The following GAREM1 variants were observed in gnomAD, a reference collection of about 807,000 sequenced individuals.
GAREM1 encodes the protein GRB2-associated and regulator of MAPK protein 1.
Under a neutral mutation model 71.3 loss-of-function variants are expected in GAREM1, and 26 were observed. That is an observed-to-expected ratio of 0.36 (90% confidence interval 0.27 to 0.51). The LOEUF (loss-of-function observed/expected upper bound fraction) is 0.51. GAREM1 is among the 20% of genes least tolerant of loss of function. The pLI is 0.95. For missense variants in GAREM1, 1,026 were observed against 1,103.1 expected (o/e 0.93, Z 0.99); for synonymous variants, 440 against 433.2 (o/e 1.02, Z -0.20).
At chr18:32,422,517 A>C (rs1388709326) in intron 1 of GAREM1, among the ~76,000 whole-genome samples, 1 of 152,194 alleles carries the variant, frequency 6.6e-6, no homozygotes, top group Non-Finnish European at 1.5e-5. Flanking sequence ...ATGATGCTCA[A>C]TGTATGTTTC....
intron 2 of GAREM1, among the ~76,000 whole-genome samples, chr18:32,321,527 C>G (rs901696013): frequency 7.2e-5 from 11 of 152,178 alleles, no homozygotes; most frequent in African/African-American, 2.7e-4. Flanking sequence ...AGGATCTCTC[C>G]TAAATTCCAC....
intron 1 of GAREM1, among the ~76,000 whole-genome samples, chr18:32,460,897 G>C (rs936713087): frequency 7.9e-5 from 12 of 152,086 alleles, no homozygotes; most frequent in African/African-American, 2.9e-4. Flanking sequence ...ATATGTAAAG[G>C]AGACATCTTA....
intron 2 of GAREM1, among the ~76,000 whole-genome samples, chr18:32,338,776 T>C (rs1435592542): frequency 6.6e-6 from 1 of 152,222 alleles, no homozygotes; most frequent in Admixed American, 6.5e-5. Context: ...GTGTGATGGT[T>C]AATGTTGTGT....
intron 2 of GAREM1, among the ~76,000 whole-genome samples, chr18:32,318,595 T>A (rs1029022202): frequency 6.6e-6 from 1 of 152,202 alleles, no homozygotes; most frequent in African/African-American, 2.4e-5. Flanking sequence ...TTAGGGTTAG[T>A]GCCACCGATG....
chr18:32,455,269 T>C (rs1262100502), intron 1 of GAREM1, among the ~76,000 whole-genome samples: 2 of 152,096 alleles, frequency 1.3e-5, no homozygotes, highest in South Asian at 2.1e-4. Flanking sequence ...GAATCAGGAA[T>C]ATAAGTCCAT....
At chr18:32,322,774 C>G (rs2047442165) in intron 2 of GAREM1, among the ~76,000 whole-genome samples, 1 of 152,204 alleles carries the variant, frequency 6.6e-6, no homozygotes, top group South Asian at 2.1e-4. Context: ...TCCTTGACAA[C>G]TTCAGCTCAA....
At chr18:32,400,075 G>A (rs2048297810) in intron 1 of GAREM1, among the ~76,000 whole-genome samples, 1 of 152,188 alleles carries the variant, frequency 6.6e-6, no homozygotes. Flanking sequence ...AATGGGGAAA[G>A]GATTCCCTAT....
chr18:32,450,454 G>T (rs61311884), intron 1 of GAREM1, among the ~76,000 whole-genome samples: 21,045 of 152,058 alleles, frequency 0.14, 1,785 homozygotes, highest in East Asian at 0.39. Flanking sequence ...GTTGCAACAT[G>T]TGTAACCACA....
In GAREM1 at chr18:32,287,649, C is replaced by A; in HGVS notation, c.948G>T (p.Glu316Asp). The change falls in exon 4 of 6, where the codon GAG becomes GAT. Residue 316 changes from glutamate to aspartate, a missense_variant. Physicochemically the swap from Glu to Asp is conservative, Grantham distance 45. Coordinates refer to ENST00000269209, the MANE Select transcript of GAREM1 (RefSeq NM_001242409.2). This position sits in a 1 kb window ranked among gnomAD's most constrained non-coding sequence, Gnocchi z 5.9. ...GATGGACCAGGGTTTCGGGCCAGCT[C>A]TCTCCCTTCACCAGGTGTTCTGGGA... ...FSLPEHLVKG[E>D]SWPETLVHHW... 6.2e-7 allele frequency: 1 copy of A among 1,614,190 alleles called. No homozygotes were observed. The highest frequency in any genetic ancestry group is 1.3e-5 in the African/African-American group (1 of 75,040).
Position 32,470,066 on chromosome 18 carries a change from C to CTT in GAREM1, c.121+240_121+241dup, listed in dbSNP as rs34206528. Among the ~76,000 whole-genome samples, 1 of 151,526 alleles carries CTT rather than the reference C, an allele frequency of 6.6e-6. No homozygotes were observed. The highest frequency in any genetic ancestry group is 1.5e-5 in the Non-Finnish European group (1 of 67,788). On this transcript the variant is annotated intron_variant, in intron 1 of 5. Coordinates refer to ENST00000269209, the MANE Select transcript of GAREM1 (RefSeq NM_001242409.2). The surrounding 1 kb of genome is among the most constrained non-coding windows in gnomAD (Gnocchi z 4.4). ...ATCTGCAGAGGTCTCCCTATGTTGA[C>CTT]TTTTTTTTTAGGGCGTCCTTTTTAA...
At chr18:32,446,643 G>C (rs1036856661) in intron 1 of GAREM1, among the ~76,000 whole-genome samples, 7 of 152,118 alleles carry the variant, frequency 4.6e-5, no homozygotes, top group Non-Finnish European at 1.5e-5. Context: ...AACTTCCAAA[G>C]CAAACAAAAA....
intron 1 of GAREM1, among the ~76,000 whole-genome samples, chr18:32,420,671 G>A (rs2048511222): frequency 6.6e-6 from 1 of 151,480 alleles, no homozygotes; most frequent in African/African-American, 2.4e-5. Flanking sequence ...AATGTTTTAG[G>A]AGGCCAAGGC....
At chr18:32,395,360 ACT>A (rs1159074055) in intron 1 of GAREM1, among the ~76,000 whole-genome samples, 28 of 152,372 alleles carry the variant, frequency 1.8e-4, no homozygotes, top group African/African-American at 6.5e-4. Context: ...GCCCTAGGGC[ACT>A]TACTATTCAA....
At chr18:32,457,001 T>C (rs1365160828) in intron 1 of GAREM1, among the ~76,000 whole-genome samples, 4 of 151,964 alleles carry the variant, frequency 2.6e-5, no homozygotes, top group South Asian at 2.1e-4. Flanking sequence ...GTAATAGCGA[T>C]GTAGGATTCT....
At chr18:32,448,465 T>C (rs184842818) in intron 1 of GAREM1, among the ~76,000 whole-genome samples, 24 of 152,302 alleles carry the variant, frequency 1.6e-4, no homozygotes, top group Admixed American at 6.5e-4. Flanking sequence ...TTAATTTCCA[T>C]AGCACTTGCT....
intron 1 of GAREM1, among the ~76,000 whole-genome samples, chr18:32,463,804 C>T (rs112630871): frequency 2.6e-5 from 4 of 151,564 alleles, no homozygotes; most frequent in Admixed American, 1.3e-4. Flanking sequence ...CTCCTGACCT[C>T]GTGATCCGCC....
chr18:32,468,756 C>T (rs1266357538), intron 1 of GAREM1, among the ~76,000 whole-genome samples: 1 of 152,126 alleles, frequency 6.6e-6, no homozygotes, highest in African/African-American at 2.4e-5. Context: ...GCCTAGCTAG[C>T]AAATGTGGCA....
intron 1 of GAREM1, among the ~76,000 whole-genome samples, chr18:32,426,220 G>A (rs1381172490): frequency 1.3e-5 from 2 of 151,772 alleles, no homozygotes; most frequent in Non-Finnish European, 2.9e-5. Flanking sequence ...GGGTTTCACC[G>A]TGTTAGCCCA....
Position 32,393,183 on chromosome 18 carries a change from T to C in GAREM1, c.122-148A>G. 50 of 596,052 alleles carry C rather than the reference T, an allele frequency of 8.4e-5. No homozygotes were observed. The African/African-American group carries it at 8.5e-4, about 10-fold the overall frequency. The allele number at this position is 596,052 out of a possible 1,614,324, so 36.9% of individuals were successfully genotyped here. The stretch of plus-strand genomic sequence containing the variant: ...AGATAAAGTTTACCTCTGAATTGTT[T>C]TTTTTTTTTTTTTAAAAAAGGGTAT... On this transcript the variant is annotated intron_variant, in intron 1 of 5. Coordinates refer to ENST00000269209, the MANE Select transcript of GAREM1 (RefSeq NM_001242409.2).
Sources: gnomAD v4.1 joint callset for allele counts (sites outside exome capture counted in the v4.1 genomes callset) on GRCh38, gnomAD v4.1.1 for gene constraint, Gnocchi (gnomAD v3.1) non-coding constraint, MANE v1.5 for transcripts, NCBI Gene and HGNC (gene_info 2026-07-23, HGNC 2026-07-21) for gene names.